Variants in ITGB1BP1 observed in about 807,000 individuals in gnomAD.
The protein encoded by ITGB1BP1 is integrin subunit beta 1 binding protein 1, also known as integrin beta-1-binding protein 1.
A neutral mutation model predicts 28.0 loss-of-function variants in ITGB1BP1; 20 were observed. That is an observed-to-expected ratio of 0.71 (90% CI 0.50 to 1.04). The LOEUF (loss-of-function observed/expected upper bound fraction) is 1.04. ITGB1BP1 is among the 50% of genes least tolerant of loss of function. The pLI is 0.00. For missense variants in ITGB1BP1, 228 were observed against 242.5 expected (o/e 0.94, Z 0.40); for synonymous variants, 103 against 89.5 (o/e 1.15, Z -0.85).
At chr2:9,411,665 G>A (rs893932769) in intron 4 of ITGB1BP1, among the ~76,000 whole-genome samples, 1 of 151,804 alleles carries the variant, frequency 6.6e-6, no homozygotes, top group African/African-American at 2.4e-5. Context: ...AGAGGTTGCA[G>A]AGAGCCGAGA....
In ITGB1BP1 at chr2:9,412,376, C is replaced by T. The variant is rs1389761008; in HGVS notation, c.181G>A (p.Ala61Thr). The change falls in exon 4 of 7, where the codon GCA (alanine) becomes ACA (threonine). Residue 61 changes from alanine (A) to threonine (T), a missense_variant. Transcript: ENST00000355346. Reference protein sequence around the residue: ...GQSNNNSDTCAEFRIKYVGAI... With the variant: ...GQSNNNSDTCTEFRIKYVGAI... ...CCAACATATTTTATTCGAAATTCTG[C>T]ACAGGTATCTGAATTATTGTTGCTT... is the stretch of plus-strand genomic sequence containing the variant. 5.0e-6 allele frequency: 8 copies of T among 1,609,762 alleles called. No homozygotes were observed. Among genetic ancestry groups the T allele is most frequent in the Non-Finnish European group, 5.9e-6 (7 of 1,178,844 alleles).
chr2:9,418,776 C>CTTT (rs35904811), intron 1 of ITGB1BP1, 44 bp from the exon 2 acceptor site: 1,023 of 950,594 alleles, frequency 1.1e-3, no homozygotes, highest in Middle Eastern at 1.7e-3. Context: ...GGAAAAGCAA[C>CTTT]TTTTTTTTTT....
intron 1 of ITGB1BP1, 36 bp downstream of exon 1, chr2:9,423,337 G>A: frequency 8.2e-7 from 1 of 1,216,668 alleles, no homozygotes; most frequent in Non-Finnish European, 1.0e-6. Context: ...GCCTCCGCGA[G>A]CTCGGCCCCA....
rs569934332 is a variant in ITGB1BP1 at position 9,408,218 on chromosome 2, A to G, written c.289-13T>C. The G allele has an allele frequency of 9.7e-6, 14 of 1,443,800 alleles. No homozygotes were observed. The African/African-American group carries it at 2.1e-4, about 22-fold the overall frequency. 89.4% of individuals were successfully genotyped at this position (1,443,800 alleles called of 1,614,324 possible). ...ACTTTCCATCTTGCTTTAAAGTAAA[A>G]ATAAATTCCATGATAAAGATTAAAA... On this transcript the variant is annotated splice_polypyrimidine_tract_variant and intron_variant, in intron 4 of 6. Coordinates refer to ENST00000355346, the MANE Select transcript of ITGB1BP1 (RefSeq NM_004763.5).
chr2:9,413,725 T>C (rs1678759510), intron 3 of ITGB1BP1, among the ~76,000 whole-genome samples: 3 of 152,202 alleles, frequency 2.0e-5, no homozygotes, highest in Admixed American at 2.0e-4. Context: ...GTGGTGGTCA[T>C]GAGCTGGTGA....
At position 9,404,306 on chromosome 2, in the gene ITGB1BP1, A is replaced by T. The variant is rs1677005251; in HGVS notation, c.*2528T>A. On this transcript the variant is annotated 3_prime_UTR_variant, in exon 7 of 7. Coordinates refer to ENST00000355346, the MANE Select transcript of ITGB1BP1 (RefSeq NM_004763.5). ...TAATACTCCAACAGGAATGGTAGTC[A>T]CACTGTCTTGAAATTGAATCTGTCC... 6.6e-6 allele frequency: 1 copy of T among 152,238 alleles called. No individual in the cohort carries two copies. Among genetic ancestry groups the T allele is most frequent in the Admixed American group, 6.5e-5 (1 of 15,288 alleles). The allele number at this position is 152,238 out of a possible 1,614,324, so 9.4% of individuals were successfully genotyped here.
intron 1 of ITGB1BP1, chr2:9,422,870 G>A: frequency 2.0e-6 from 2 of 985,966 alleles, no homozygotes; most frequent in African/African-American, 1.7e-5. Flanking sequence ...TCAGTGACCT[G>A]CCCAGGGTCA....
At chr2:9,422,975 A>G in intron 1 of ITGB1BP1, 1 of 986,746 alleles carries the variant, frequency 1.0e-6, no homozygotes, top group Non-Finnish European at 1.2e-6. Context: ...CCTGTCTGTC[A>G]CCGTGATGGA....
intron 6 of ITGB1BP1, 49 bp from the exon 7 acceptor site, chr2:9,406,954 G>T: frequency 7.0e-7 from 1 of 1,427,052 alleles, no homozygotes; most frequent in Non-Finnish European, 9.9e-7. Context: ...CTGTCTCTTC[G>T]TGAACTTAAT....
intron 5 of ITGB1BP1, 66 bp from the exon 6 acceptor site, chr2:9,407,664 A>C (rs1677711688): frequency 4.5e-6 from 7 of 1,567,984 alleles, no homozygotes; most frequent in Non-Finnish European, 5.2e-6. Flanking sequence ...CTGATGACAC[A>C]CCCTCCCAGG....
chr2:9,413,284 G>A (rs892851717), intron 3 of ITGB1BP1, among the ~76,000 whole-genome samples: 14 of 152,092 alleles, frequency 9.2e-5, no homozygotes, highest in African/African-American at 1.4e-4. Flanking sequence ...CCAGTTAGCC[G>A]CCAGCTACTT....
chr2:9,412,583 C>T, intron 3 of ITGB1BP1, 178 bp from the exon 4 acceptor site: 1 of 557,718 alleles, frequency 1.8e-6, no homozygotes, highest in Non-Finnish European at 3.1e-6. Flanking sequence ...CTAACCTTTT[C>T]CTCAGTGACT....
Position 9,408,501 on chromosome 2 carries a change from G to A in ITGB1BP1, c.289-296C>T, listed in dbSNP as rs554229010. On this transcript the variant is annotated intron_variant, in intron 4 of 6. Coordinates refer to ENST00000355346, the MANE Select transcript of ITGB1BP1 (RefSeq NM_004763.5). Reference sequence around the variant, plus strand: ...CTCCTTGGTTCAAGTGAGCACATCCGGCTAATTTTCGTATTTTTAGTACAG... The same window carrying A: ...CTCCTTGGTTCAAGTGAGCACATCCAGCTAATTTTCGTATTTTTAGTACAG... 3.5e-4 allele frequency: 91 copies of A among 257,332 alleles called. 2 individuals carry two copies. The highest frequency in any genetic ancestry group is 7.4e-5 in the Non-Finnish European group (10 of 134,250). 15.9% of individuals were successfully genotyped at this position (257,332 alleles called of 1,614,324 possible). A position where few individuals can be genotyped will look rare whatever the true frequency, so the allele number is the denominator to read the frequency against.
rs1677061483 is a variant in ITGB1BP1, at chr2:9,404,735, G to T, written c.*2099C>A. On this transcript the variant is annotated 3_prime_UTR_variant, in exon 7 of 7. Coordinates refer to ENST00000355346, the MANE Select transcript of ITGB1BP1 (RefSeq NM_004763.5). Reference sequence around the variant, plus strand: ...TGTCTTTATTATGCAAGACTGTGTAGAGTTTTTTTTTTTTTTGGCATTGTA... The same window carrying T: ...TGTCTTTATTATGCAAGACTGTGTATAGTTTTTTTTTTTTTTGGCATTGTA... The T allele has an allele frequency of 7.2e-6, 1 of 139,294 alleles. No individual in the cohort carries two copies. The highest frequency in any genetic ancestry group is 1.5e-5 in the Non-Finnish European group (1 of 66,934). 8.6% of individuals were successfully genotyped at this position (139,294 alleles called of 1,614,324 possible). A position where few individuals can be genotyped will look rare whatever the true frequency, so the allele number is the denominator to read the frequency against.
rs1678965416 is a variant in ITGB1BP1, at chr2:9,415,197, G to A, written c.73-941C>T. 6.6e-6 allele frequency among the ~76,000 whole-genome samples: 1 copy of A among 152,170 alleles called. No homozygotes were observed. Among genetic ancestry groups the A allele is most frequent in the Admixed American group, 6.6e-5 (1 of 15,258 alleles). On this transcript the variant is annotated intron_variant, in intron 2 of 6. Transcript: ENST00000355346. This position sits in a 1 kb window ranked among gnomAD's most constrained non-coding sequence, Gnocchi z 4.1. ...AGTTCGAGACCAGCCTGGCCAACAT[G>A]GTAAAACCCCGTCTCTACCAAAAAT... is the stretch of plus-strand genomic sequence containing the variant.
rs1210619234 is a variant in ITGB1BP1 at position 9,415,602 on chromosome 2, C to T, written c.73-1346G>A. On this transcript the variant is annotated intron_variant, in intron 2 of 6. Coordinates refer to ENST00000355346, the MANE Select transcript of ITGB1BP1 (RefSeq NM_004763.5). This position sits in a 1 kb window ranked among gnomAD's most constrained non-coding sequence, Gnocchi z 4.1. ...CTCCAAAAATAAAAATAAAACAAGA[C>T]ATTGGGCCACACAGATGAGATTTCC... 6.6e-6 allele frequency among the ~76,000 whole-genome samples: 1 copy of T among 152,076 alleles called. No homozygotes were observed. Among genetic ancestry groups the T allele is most frequent in the African/African-American group, 2.4e-5 (1 of 41,422 alleles).
chr2:9,407,811 G>A (rs1285786545), intron 5 of ITGB1BP1, among the ~76,000 whole-genome samples: 1 of 151,302 alleles, frequency 6.6e-6, no homozygotes, highest in African/African-American at 2.4e-5. Flanking sequence ...CAGTGTCTGT[G>A]CCCACCGTCC....
In ITGB1BP1 at chr2:9,412,296, G is replaced by A. The variant is rs1678536161; in HGVS notation, c.261C>T (p.Asp87=). Residue 87 remains aspartate, a synonymous_variant, in exon 4 of 7, where the codon GAC becomes GAT. Coordinates refer to ENST00000355346, the MANE Select transcript of ITGB1BP1 (RefSeq NM_004763.5). The part of the protein sequence containing the change: ...SEGKGLEGPL[D]LINYIDVAQQ... ...GGGCAACGTCTATATAATTTATCAG[G>A]TCTAATGGCCCTTCAAGGCCTTTTC... The A allele has an allele frequency of 6.2e-7, 1 of 1,611,802 alleles. No individual in the cohort carries two copies. Among genetic ancestry groups the A allele is most frequent in the Non-Finnish European group, 8.5e-7 (1 of 1,178,908 alleles).
chr2:9,411,583 C>T (rs943151784), intron 4 of ITGB1BP1, among the ~76,000 whole-genome samples: 2 of 151,872 alleles, frequency 1.3e-5, no homozygotes, highest in African/African-American at 4.8e-5. Context: ...TTATCTGGGC[C>T]GTGGCAGCAT....
Sources: gnomAD v4.1 joint callset for allele counts (sites outside exome capture counted in the v4.1 genomes callset) on GRCh38, gnomAD v4.1.1 for gene constraint, Gnocchi (gnomAD v3.1) non-coding constraint, MANE v1.5 for transcripts, NCBI Gene and HGNC (gene_info 2026-07-23, HGNC 2026-07-21) for gene names.